Variants in NAALADL2 observed in about 807,000 individuals in gnomAD.
NAALADL2 encodes N-acetylated alpha-linked acidic dipeptidase like 2.
Under a neutral mutation model 87.2 loss-of-function variants are expected in NAALADL2, and 76 were observed. The observed-to-expected ratio is 0.87, with a 90% confidence interval of 0.72 to 1.05. The LOEUF is 1.05. NAALADL2 is among the 50% of genes least tolerant of loss of function. NAALADL2 has a pLI of 0.00. For synonymous variants in NAALADL2, 354 were observed against 331.0 expected (o/e 1.07, Z -0.75); for missense variants, 1,089 against 945.8 (o/e 1.15, Z -1.99).
At chr3:175,531,633 C>A (rs1277360399) in intron 9 of NAALADL2, among the ~76,000 whole-genome samples, 1 of 152,190 alleles carries the variant, frequency 6.6e-6, no homozygotes, top group Non-Finnish European at 1.5e-5. Flanking sequence ...TCTGGCTTTG[C>A]CAGCTGAAGG....
At chr3:175,102,067 T>C (rs1437835694) in intron 2 of NAALADL2, among the ~76,000 whole-genome samples, 1 of 152,180 alleles carries the variant, frequency 6.6e-6, no homozygotes, top group African/African-American at 2.4e-5. Context: ...TAAATTAAAA[T>C]ATTAGAATCA....
intron 9 of NAALADL2, among the ~76,000 whole-genome samples, chr3:175,504,540 C>T (rs1729995646): frequency 6.7e-6 from 1 of 149,980 alleles, no homozygotes; most frequent in South Asian, 2.1e-4. Context: ...AGTTTTCTCT[C>T]TTCTTTCTCT....
chr3:174,701,640 C>A (rs973393569), intron 2 of NAALADL2, among the ~76,000 whole-genome samples: 1 of 151,154 alleles, frequency 6.6e-6, no homozygotes, highest in African/African-American at 2.4e-5. Flanking sequence ...TACTACTGAT[C>A]TGCTAACTTT....
intron 1 of NAALADL2, among the ~76,000 whole-genome samples, chr3:174,949,380 C>T (rs138065686): frequency 0.029 from 4,428 of 152,148 alleles, 83 homozygotes; most frequent in South Asian, 0.055. Context: ...GCAAGCCTGC[C>T]CAGTTCCAAG....
chr3:175,506,821 T>C (rs1283319696), intron 9 of NAALADL2, among the ~76,000 whole-genome samples: 2 of 152,194 alleles, frequency 1.3e-5, no homozygotes, highest in Admixed American at 6.5e-5. Flanking sequence ...CCATACTTGG[T>C]TATTCACATG....
chr3:175,578,416 G>A (rs959750648), intron 10 of NAALADL2, among the ~76,000 whole-genome samples: 9 of 152,062 alleles, frequency 5.9e-5, no homozygotes, highest in Non-Finnish European at 1.0e-4. Flanking sequence ...CTGGGTGACA[G>A]AGTGAGACAC....
At chr3:175,499,338 C>T (rs1582142370) in intron 9 of NAALADL2, among the ~76,000 whole-genome samples, 1 of 152,102 alleles carries the variant, frequency 6.6e-6, no homozygotes, top group African/African-American at 2.4e-5. Context: ...TTAAACTTTA[C>T]TTAGGAACTT....
chr3:175,665,715 G>A (rs578250874), intron 11 of NAALADL2, among the ~76,000 whole-genome samples: 41 of 152,240 alleles, frequency 2.7e-4, no homozygotes, highest in African/African-American at 9.1e-4. Flanking sequence ...GGCAGATCAC[G>A]AGGTCAAGAG....
intron 3 of NAALADL2, among the ~76,000 whole-genome samples, chr3:174,843,125 T>G (rs7629700): frequency 1.3e-5 from 2 of 151,784 alleles, no homozygotes; most frequent in African/African-American, 4.8e-5. Context: ...AAAAGCCTCT[T>G]TTTGATCTAT....
intron 2 of NAALADL2, among the ~76,000 whole-genome samples, chr3:174,623,062 C>T (rs1041439442): frequency 6.6e-6 from 1 of 152,152 alleles, no homozygotes; most frequent in African/African-American, 2.4e-5. Flanking sequence ...GAGGACTCAT[C>T]TGTCTGAAAT....
intron 2 of NAALADL2, among the ~76,000 whole-genome samples, chr3:174,635,305 T>G (rs982640878): frequency 1.2e-4 from 19 of 152,304 alleles, no homozygotes; most frequent in African/African-American, 4.3e-4. Context: ...GATTTCCAGC[T>G]CTAAAAGGTA....
chr3:174,952,208 C>T (rs540678100), intron 1 of NAALADL2, among the ~76,000 whole-genome samples: 1 of 152,234 alleles, frequency 6.6e-6, no homozygotes, highest in South Asian at 2.1e-4. Flanking sequence ...TATTACATTG[C>T]ACTAATTTTC....
intron 11 of NAALADL2, among the ~76,000 whole-genome samples, chr3:175,640,105 A>G (rs922503058): frequency 1.2e-4 from 18 of 152,220 alleles, no homozygotes; most frequent in African/African-American, 4.3e-4. Context: ...ATTTTATAAC[A>G]AAGAAAGGTT....
chr3:175,014,053 A>G (rs1476650424), intron 1 of NAALADL2, among the ~76,000 whole-genome samples: 1 of 152,154 alleles, frequency 6.6e-6, no homozygotes, highest in Non-Finnish European at 1.5e-5. Flanking sequence ...CTATTAAGCA[A>G]GTCATTTAAC....
intron 5 of NAALADL2, among the ~76,000 whole-genome samples, chr3:175,446,861 C>T (rs1720792252): frequency 6.6e-6 from 1 of 152,158 alleles, no homozygotes; most frequent in Non-Finnish European, 1.5e-5. Context: ...GGTCTTACAT[C>T]ACTGACACTT....
chr3:175,760,072 G>C (rs1029890797), intron 13 of NAALADL2, among the ~76,000 whole-genome samples: 1 of 152,084 alleles, frequency 6.6e-6, no homozygotes, highest in Non-Finnish European at 1.5e-5. Flanking sequence ...TTGATATGTT[G>C]GTGTCAGGAA....
chr3:174,607,990 C>T (rs1318414738), intron 2 of NAALADL2, among the ~76,000 whole-genome samples: 2 of 152,136 alleles, frequency 1.3e-5, no homozygotes, highest in South Asian at 2.1e-4. Flanking sequence ...TGCAATCAAA[C>T]TAGAACTGAG....
chr3:174,610,050 A>G (rs1253796997), intron 2 of NAALADL2, among the ~76,000 whole-genome samples: 8 of 152,180 alleles, frequency 5.3e-5, no homozygotes, highest in South Asian at 4.2e-4. Flanking sequence ...CCTGAGAAAA[A>G]CAAGCAATGG....
chr3:175,027,720 A>G (rs1021636038), intron 1 of NAALADL2, among the ~76,000 whole-genome samples: 20 of 152,114 alleles, frequency 1.3e-4, no homozygotes, highest in African/African-American at 4.6e-4. Flanking sequence ...GAAGAATATG[A>G]CACAGATAAA....
Sources: allele counts gnomAD v4.1 joint callset (sites outside exome capture counted in the v4.1 genomes callset), GRCh38; gene constraint gnomAD v4.1.1; transcripts MANE v1.5; gene names NCBI Gene and HGNC (gene_info 2026-07-23, HGNC 2026-07-21).